Variants in VTA1 observed in about 807,000 individuals in gnomAD.
VTA1 encodes the protein vesicle trafficking 1, also known as vacuolar protein sorting-associated protein VTA1 homolog.
In VTA1, 24 loss-of-function variants were observed where a neutral mutation model predicts 36.9. That is an observed-to-expected ratio of 0.65 (90% CI 0.47 to 0.91). The LOEUF is 0.91. Among genes scored for constraint, VTA1 ranks in the 40% least tolerant of loss-of-function variants. The pLI, the probability that VTA1 is intolerant of heterozygous loss-of-function variation, is 0.00. For synonymous variants in VTA1, 142 were observed against 130.2 expected, an observed-to-expected ratio of 1.09 and a Z score of -0.62; for missense variants, 393 against 377.2, an observed-to-expected ratio of 1.04 and a Z score of -0.35.
rs3079231 is a variant in VTA1, at chr6:142,168,740, CATTATTATT to C, written c.208-776_208-768del. ...TCACACTATGTGCTCTGAGAGATAT[CATTATTATT>C]ATTATTATTATTATTATTATTATTA... On this transcript the variant is annotated intron_variant, in intron 2 of 7. Transcript: ENST00000367630. 4.1e-3 allele frequency among the ~76,000 whole-genome samples: 575 copies of C among 140,802 alleles called. 3 individuals are homozygous for C. The highest frequency in any genetic ancestry group is 7.3e-3 in the African/African-American group (281 of 38,592). The allele number at this position is 140,802 out of a possible 152,430, so 92.4% of individuals were successfully genotyped here. A position where few individuals can be genotyped will look rare whatever the true frequency, so the allele number is the denominator to read the frequency against.
rs146934142 is a variant in VTA1, at chr6:142,147,298, T to G, written c.11T>G (p.Leu4Arg). 1.9e-6 allele frequency: 3 copies of G among 1,614,040 alleles called. No homozygotes were observed. Among genetic ancestry groups the G allele is most frequent in the African/African-American group, 1.3e-5 (1 of 74,938 alleles). MAA[L>R]APLPPLPAQF... The stretch of plus-strand genomic sequence containing the variant: ...GAGTTCGGAGTAGAGATGGCCGCGC[T>G]TGCACCGCTGCCCCCGCTCCCCGCA... Residue 4 changes from leucine (L) to arginine (R), a missense_variant, in exon 1 of 8, where the codon CTT (leucine) becomes CGT (arginine). Transcript: ENST00000367630.
chr6:142,210,768 A>T (rs1379181785), intron 7 of VTA1, among the ~76,000 whole-genome samples: 1 of 152,198 alleles, frequency 6.6e-6, no homozygotes, highest in Non-Finnish European at 1.5e-5. Flanking sequence ...TTTCTCAAAT[A>T]ACTAAAAATA....
chr6:142,166,308 G>C lies in VTA1; in HGVS notation c.193G>C (p.Asp65His). The C allele has an allele frequency of 1.2e-6, 2 of 1,608,324 alleles. No individual in the cohort carries two copies. Among genetic ancestry groups the C allele is most frequent in the Non-Finnish European group, 1.7e-6 (2 of 1,175,634 alleles). The stretch of plus-strand genomic sequence containing the variant: ...TCGCAAATTTTTATCAAAGTTAATG[G>C]ATCAGTTAGAAGCTGTAAGTTAACC... ...ECRKFLSKLM[D>H]QLEALKKQLG... The change falls in exon 2 of 8, where the codon GAT becomes CAT. Residue 65 changes from aspartate (D) to histidine (H), a missense_variant. Transcript: ENST00000367630.
At chr6:142,165,171 A>G (rs1774889592) in intron 1 of VTA1, among the ~76,000 whole-genome samples, 1 of 152,216 alleles carries the variant, frequency 6.6e-6, no homozygotes, top group East Asian at 1.9e-4. Context: ...ATAAAATCAA[A>G]CAGAGTGTTT....
At chr6:142,206,926 T>C (rs972422114) in intron 7 of VTA1, among the ~76,000 whole-genome samples, 2 of 152,302 alleles carry the variant, frequency 1.3e-5, no homozygotes, top group South Asian at 4.1e-4. Context: ...GACCTTCCAC[T>C]CATCTCAAAA....
chr6:142,155,468 G>A (rs554215801), intron 1 of VTA1, among the ~76,000 whole-genome samples: 198 of 152,244 alleles, frequency 1.3e-3, no homozygotes, highest in Admixed American at 1.8e-3. Flanking sequence ...AGAAAGTAAT[G>A]TAATTGTTTA....
intron 4 of VTA1, among the ~76,000 whole-genome samples, chr6:142,181,078 G>GAAAAAAAA (rs1162412059): frequency 9.8e-5 from 5 of 51,282 alleles, no homozygotes; most frequent in African/African-American, 2.1e-4. Context: ...AAATGGTACA[G>GAAAAAAAA]AAAAAAAAAA....
intron 4 of VTA1, among the ~76,000 whole-genome samples, chr6:142,176,291 T>A (rs1276522251): frequency 6.6e-6 from 1 of 152,212 alleles, no homozygotes; most frequent in Non-Finnish European, 1.5e-5. Context: ...AATGCTATTC[T>A]TATATATGGA....
At chr6:142,211,452 C>A (rs1051923250) in intron 7 of VTA1, among the ~76,000 whole-genome samples, 1 of 152,084 alleles carries the variant, frequency 6.6e-6, no homozygotes. Context: ...AAATTTTCTG[C>A]CCTTCTAAAG....
In VTA1 at chr6:142,223,023, T is replaced by C. The variant is rs1433409845; in HGVS notation, c.*4380T>C. 6.6e-6 allele frequency: 1 copy of C among 152,218 alleles called. No individual in the cohort carries two copies. Among genetic ancestry groups the C allele is most frequent in the African/African-American group, 2.4e-5 (1 of 41,444 alleles). 9.4% of individuals were successfully genotyped at this position (152,218 alleles called of 1,614,324 possible). A position where few individuals can be genotyped will look rare whatever the true frequency, so the allele number is the denominator to read the frequency against. On this transcript the variant is annotated 3_prime_UTR_variant, in exon 8 of 8. Coordinates refer to ENST00000367630, the MANE Select transcript of VTA1 (RefSeq NM_016485.5). ...CAGATCATAAGAAGTATCATCCATG[T>C]CAGTAAGTCACCTGTTACATTGTAA...
chr6:142,179,900 A>G (rs1775195535), intron 4 of VTA1, among the ~76,000 whole-genome samples: 1 of 152,160 alleles, frequency 6.6e-6, no homozygotes, highest in African/African-American at 2.4e-5. Context: ...ATATTGAGGG[A>G]GACAGTTTTC....
chr6:142,176,163 A>T (rs1027839104), intron 4 of VTA1, among the ~76,000 whole-genome samples: 3 of 152,148 alleles, frequency 2.0e-5, no homozygotes, highest in Admixed American at 1.3e-4. Flanking sequence ...TTTTAGATTC[A>T]TTTCACTACT....
chr6:142,152,782 A>G (rs999100559), intron 1 of VTA1, among the ~76,000 whole-genome samples: 2 of 152,172 alleles, frequency 1.3e-5, no homozygotes, highest in Admixed American at 6.5e-5. Flanking sequence ...ATACATTTCT[A>G]TAATCTTAGA....
chr6:142,172,597 C>T (rs1775048959), intron 4 of VTA1, among the ~76,000 whole-genome samples: 1 of 152,152 alleles, frequency 6.6e-6, no homozygotes, highest in South Asian at 2.1e-4. Context: ...ATTCTGATGG[C>T]CTTATGGATC....
At chr6:142,175,160 A>G (rs1196855591) in intron 4 of VTA1, among the ~76,000 whole-genome samples, 2 of 152,206 alleles carry the variant, frequency 1.3e-5, no homozygotes, top group African/African-American at 4.8e-5. Flanking sequence ...ACTGGTTCAC[A>G]AGATGAATTA....
chr6:142,196,358 A>G (rs909782189), intron 5 of VTA1, among the ~76,000 whole-genome samples: 1 of 152,128 alleles, frequency 6.6e-6, no homozygotes, highest in Non-Finnish European at 1.5e-5. Context: ...TCTGCTGGAT[A>G]TTTACATGGT....
At chr6:142,150,660 A>G (rs1222697609) in intron 1 of VTA1, among the ~76,000 whole-genome samples, 1 of 152,208 alleles carries the variant, frequency 6.6e-6, no homozygotes, top group African/African-American at 2.4e-5. Context: ...TCCTGGTCTT[A>G]CATTGAAGAA....
At chr6:142,147,528 C>A in intron 1 of VTA1, 129 bp downstream of exon 1, 1 of 914,090 alleles carries the variant, frequency 1.1e-6, no homozygotes, top group Non-Finnish European at 1.7e-6. Context: ...TCGAGCCTAC[C>A]CAGGGAACTC....
At chr6:142,159,829 C>T (rs1199870592) in intron 1 of VTA1, among the ~76,000 whole-genome samples, 1 of 152,038 alleles carries the variant, frequency 6.6e-6, no homozygotes, top group African/African-American at 2.4e-5. Context: ...TATTTTACCT[C>T]TAGAAGTTTC....
Sources: allele counts gnomAD v4.1 joint callset (sites outside exome capture counted in the v4.1 genomes callset), GRCh38; gene constraint gnomAD v4.1.1; transcripts MANE v1.5; gene names NCBI Gene and HGNC (gene_info 2026-07-23, HGNC 2026-07-21).